Variants in RPS6KC1 observed in about 807,000 individuals in gnomAD.
RPS6KC1 encodes the protein inactive ribosomal protein S6 kinase delta-1.
RPS6KC1 carries 54 observed loss-of-function variants against 103.8 expected under a neutral mutation model. That is an observed-to-expected ratio of 0.52 (90% CI 0.42 to 0.65). The LOEUF is 0.65. RPS6KC1 is among the 30% of genes least tolerant of loss of function. The pLI is 0.00. For synonymous variants in RPS6KC1, 439 were observed against 438.7 expected (o/e 1.00, Z -0.01); for missense variants, 1,151 against 1,253.8 (o/e 0.92, Z 1.24).
At chr1:213,137,779 A>ATCTATC (rs1558395420) in intron 6 of RPS6KC1, among the ~76,000 whole-genome samples, 4 of 22,334 alleles carry the variant, frequency 1.8e-4, no homozygotes, top group African/African-American at 5.7e-4. Flanking sequence ...CTCTCTCTCT[A>ATCTATC]TATATATATA....
the RPS6KC1 span, among the ~76,000 whole-genome samples, chr1:213,602,265 T>G: frequency 7.4e-6 from 1 of 134,970 alleles, no homozygotes; most frequent in Non-Finnish European, 1.6e-5. Context: ...TTTTTTTTCT[T>G]TTTTTTTTTT....
chr1:213,589,201 A>G, the RPS6KC1 span, among the ~76,000 whole-genome samples: 3 of 152,162 alleles, frequency 2.0e-5, no homozygotes, highest in East Asian at 5.8e-4. Context: ...AGAAAACCCA[A>G]AGGGAAATTT....
the RPS6KC1 span, among the ~76,000 whole-genome samples, chr1:213,378,081 C>A: frequency 6.6e-6 from 1 of 152,210 alleles, no homozygotes; most frequent in African/African-American, 2.4e-5. Flanking sequence ...CACCCAGCAA[C>A]CTTGCTTAAT....
chr1:213,251,320 G>A (rs144323531), intron 12 of RPS6KC1, among the ~76,000 whole-genome samples: 187 of 152,216 alleles, frequency 1.2e-3, no homozygotes, highest in South Asian at 2.9e-3. Context: ...TGTTGGCCAG[G>A]CTGGTCCTGA....
the RPS6KC1 span, among the ~76,000 whole-genome samples, chr1:213,802,430 C>G: frequency 5.3e-5 from 8 of 152,214 alleles, no homozygotes; most frequent in African/African-American, 1.7e-4. Flanking sequence ...TAAAGATTCT[C>G]AGTACCAGTA....
intron 14 of RPS6KC1, among the ~76,000 whole-genome samples, chr1:213,268,782 TATAAG>T (rs1429742305): frequency 3.3e-5 from 5 of 151,514 alleles, no homozygotes; most frequent in African/African-American, 4.8e-5. Context: ...TAAATGATCT[TATAAG>T]ATAAGTGATA....
At chr1:213,161,851 T>C (rs148079418) in intron 6 of RPS6KC1, among the ~76,000 whole-genome samples, 6 of 152,314 alleles carry the variant, frequency 3.9e-5, no homozygotes, top group Non-Finnish European at 8.8e-5. Flanking sequence ...AGGAAAAATA[T>C]GGGAATTAAT....
the RPS6KC1 span, among the ~76,000 whole-genome samples, chr1:213,310,048 TG>T: frequency 6.6e-6 from 1 of 152,162 alleles, no homozygotes; most frequent in African/African-American, 2.4e-5. Flanking sequence ...CCTCTTTCAA[TG>T]TATACCTGGA....
At chr1:213,742,619 A>T in the RPS6KC1 span, among the ~76,000 whole-genome samples, 1 of 152,232 alleles carries the variant, frequency 6.6e-6, no homozygotes, top group Admixed American at 6.5e-5. Flanking sequence ...ATGGCTTGTC[A>T]TGTTAACAAT....
the RPS6KC1 span, among the ~76,000 whole-genome samples, chr1:213,564,398 C>T: frequency 6.6e-6 from 1 of 152,082 alleles, no homozygotes; most frequent in South Asian, 2.1e-4. Flanking sequence ...TAGGTTCTGC[C>T]AATAGAGGGC....
chr1:213,264,422 T>G (rs2094868960), intron 14 of RPS6KC1, among the ~76,000 whole-genome samples: 1 of 152,184 alleles, frequency 6.6e-6, no homozygotes, highest in African/African-American at 2.4e-5. Flanking sequence ...AGTAAGTAGT[T>G]TAGGAAAGAC....
chr1:213,089,547 C>T (rs1235547973), intron 3 of RPS6KC1, among the ~76,000 whole-genome samples: 5 of 152,032 alleles, frequency 3.3e-5, no homozygotes, highest in Non-Finnish European at 5.9e-5. Context: ...CTGCAACCTC[C>T]GCCTCCCAGG....
chr1:213,373,132 C>A, the RPS6KC1 span, among the ~76,000 whole-genome samples: 1 of 152,140 alleles, frequency 6.6e-6, no homozygotes, highest in African/African-American at 2.4e-5. Flanking sequence ...AACTTTACAG[C>A]TTCTTTCAGC....
chr1:213,340,413 T>C, the RPS6KC1 span, among the ~76,000 whole-genome samples: 1 of 152,206 alleles, frequency 6.6e-6, no homozygotes, highest in African/African-American at 2.4e-5. Flanking sequence ...GCAAAGAGCA[T>C]TTAATAATGC....
At chr1:213,739,689 C>T in the RPS6KC1 span, among the ~76,000 whole-genome samples, 50 of 152,244 alleles carry the variant, frequency 3.3e-4, no homozygotes, top group Non-Finnish European at 3.8e-4. Context: ...ACTTCTTACT[C>T]AGAAGCACTG....
the RPS6KC1 span, among the ~76,000 whole-genome samples, chr1:213,746,640 T>C: frequency 6.6e-6 from 1 of 152,266 alleles, no homozygotes; most frequent in Non-Finnish European, 1.5e-5. Flanking sequence ...TTTGGGAGGC[T>C]GTATTGAGAA....
the RPS6KC1 span, among the ~76,000 whole-genome samples, chr1:213,483,077 A>G: frequency 6.6e-6 from 1 of 152,208 alleles, no homozygotes; most frequent in South Asian, 2.1e-4. Context: ...CAAAATTTTA[A>G]AAGTACCTTT....
the RPS6KC1 span, among the ~76,000 whole-genome samples, chr1:213,304,019 A>C: frequency 6.6e-6 from 1 of 151,126 alleles, no homozygotes; most frequent in African/African-American, 2.4e-5. Flanking sequence ...TCCCGGCTAA[A>C]ACGGTGAAAC....
chr1:213,349,793 G>A, the RPS6KC1 span, among the ~76,000 whole-genome samples: 28 of 152,300 alleles, frequency 1.8e-4, no homozygotes, highest in Non-Finnish European at 2.4e-4. Context: ...ATTAGGATGT[G>A]CTGTACTGCT....
Sources: allele counts gnomAD v4.1 joint callset (sites outside exome capture counted in the v4.1 genomes callset), GRCh38; gene constraint gnomAD v4.1.1; transcripts MANE v1.5; gene names NCBI Gene and HGNC (gene_info 2026-07-23, HGNC 2026-07-21).